The following TAF1B variants were observed in gnomAD, a reference collection of about 807,000 sequenced individuals.
The protein encoded by TAF1B is TATA box-binding protein-associated factor RNA polymerase I subunit B.
In TAF1B, 61 loss-of-function variants were observed where a neutral mutation model predicts 83.9. The observed-to-expected ratio is 0.73, with a 90% CI of 0.59 to 0.90. TAF1B has a LOEUF of 0.90. TAF1B is among the 40% of genes least tolerant of loss of function. TAF1B has a pLI of 0.00. For synonymous variants in TAF1B, 221 were observed against 224.6 expected (o/e 0.98, Z 0.14); for missense variants, 625 against 677.0 (o/e 0.92, Z 0.85).
intron 8 of TAF1B, 48 bp from the exon 9 acceptor site, chr2:9,904,811 A>T (rs1558259827): frequency 5.2e-6 from 8 of 1,545,166 alleles, no homozygotes; most frequent in Non-Finnish European, 7.0e-6. Flanking sequence ...TTTAAAAATA[A>T]GTTTTGTTGC....
At chr2:9,863,279 A>T (rs956192337) in intron 5 of TAF1B, among the ~76,000 whole-genome samples, 5 of 152,242 alleles carry the variant, frequency 3.3e-5, no homozygotes, top group Admixed American at 3.3e-4. Context: ...AAAGCAAAAA[A>T]AGGCAGGGGT....
chr2:9,913,086 A>T, intron 11 of TAF1B, 73 bp from the exon 12 acceptor site: 1 of 1,295,420 alleles, frequency 7.7e-7, no homozygotes. Flanking sequence ...AATTAATGAA[A>T]ACTCAGATGA....
chr2:9,892,842 A>G (rs941800098), intron 8 of TAF1B, among the ~76,000 whole-genome samples: 11 of 152,054 alleles, frequency 7.2e-5, no homozygotes, highest in Non-Finnish European at 1.5e-5. Context: ...CCTCCATTTC[A>G]TTTCCATGAT....
intron 5 of TAF1B, among the ~76,000 whole-genome samples, chr2:9,856,142 T>C (rs1663558559): frequency 6.6e-6 from 1 of 152,152 alleles, no homozygotes; most frequent in South Asian, 2.1e-4. Flanking sequence ...AAGAGTAGGT[T>C]ACAGAGATGA....
chr2:9,916,675 A>G (rs1186536671), intron 12 of TAF1B, among the ~76,000 whole-genome samples: 1 of 152,100 alleles, frequency 6.6e-6, no homozygotes, highest in African/African-American at 2.4e-5. Context: ...AGAATCGCTA[A>G]CTCATTTACC....
At chr2:9,901,858 T>C (rs1461303417) in intron 8 of TAF1B, among the ~76,000 whole-genome samples, 2 of 152,148 alleles carry the variant, frequency 1.3e-5, no homozygotes, top group African/African-American at 4.8e-5. Flanking sequence ...AATAGTATTT[T>C]AGTGTACAAG....
intron 9 of TAF1B, among the ~76,000 whole-genome samples, chr2:9,909,732 T>A (rs1228026152): frequency 6.6e-6 from 1 of 152,202 alleles, no homozygotes; most frequent in Non-Finnish European, 1.5e-5. Flanking sequence ...TTCATTAATT[T>A]AGTCTTCACA....
chr2:9,894,474 T>C (rs1413563354), intron 8 of TAF1B, among the ~76,000 whole-genome samples: 3 of 152,218 alleles, frequency 2.0e-5, no homozygotes, highest in Non-Finnish European at 4.4e-5. Flanking sequence ...ATAAGAGTTA[T>C]GGGTGTGTCA....
chr2:9,916,932 C>T (rs886848722), intron 12 of TAF1B, among the ~76,000 whole-genome samples: 2 of 150,006 alleles, frequency 1.3e-5, no homozygotes, highest in Non-Finnish European at 3.0e-5. Context: ...CCGCAACTTC[C>T]GCCTCCCGGG....
At chr2:9,866,358 G>T (rs975517747) in intron 5 of TAF1B, among the ~76,000 whole-genome samples, 4 of 152,156 alleles carry the variant, frequency 2.6e-5, no homozygotes, top group African/African-American at 7.2e-5. Context: ...CTGGCCATCA[G>T]AGAAATGCAA....
At chr2:9,854,942 C>T (rs574497787) in intron 5 of TAF1B, among the ~76,000 whole-genome samples, 70 of 152,088 alleles carry the variant, frequency 4.6e-4, no homozygotes, top group African/African-American at 1.7e-3. Context: ...TATTTGGGGT[C>T]GAGGATGATT....
chr2:9,910,478 T>C (rs1207168540), intron 9 of TAF1B, among the ~76,000 whole-genome samples: 1 of 152,188 alleles, frequency 6.6e-6, no homozygotes, highest in Non-Finnish European at 1.5e-5. Context: ...ACAACTGGTA[T>C]GTGGCTGCCA....
chr2:9,893,717 G>A (rs558577831), intron 8 of TAF1B, among the ~76,000 whole-genome samples: 21 of 152,192 alleles, frequency 1.4e-4, no homozygotes, highest in African/African-American at 4.6e-4. Flanking sequence ...TAAAAAAAAG[G>A]CAAAGCTCAG....
chr2:9,857,883 G>A (rs1441109529), intron 5 of TAF1B, among the ~76,000 whole-genome samples: 7 of 152,110 alleles, frequency 4.6e-5, no homozygotes, highest in African/African-American at 2.4e-5. Context: ...GGTCCCTCTC[G>A]CAACATGTGG....
chr2:9,878,149 T>C (rs887999172), intron 7 of TAF1B, among the ~76,000 whole-genome samples: 4 of 152,112 alleles, frequency 2.6e-5, no homozygotes, highest in Non-Finnish European at 5.9e-5. Flanking sequence ...CTACACCTTC[T>C]GAATCAGAAA....
intron 6 of TAF1B, among the ~76,000 whole-genome samples, chr2:9,870,584 C>T (rs1422358053): frequency 6.6e-6 from 1 of 152,184 alleles, no homozygotes. Flanking sequence ...TTCCGTATCA[C>T]GTGCTTCTAG....
chr2:9,859,693 G>A lies in TAF1B; in HGVS notation c.399+5272G>A, dbSNP rs114857773. 5.2e-3 allele frequency among the ~76,000 whole-genome samples: 799 copies of A among 152,252 alleles called. 5 individuals are homozygous for A. The highest frequency in any genetic ancestry group is 0.018 in the African/African-American group (759 of 41,532). On this transcript the variant is annotated intron_variant, in intron 5 of 14. Transcript: ENST00000263663. The stretch of plus-strand genomic sequence containing the variant: ...GAGCCATCGCACCTGGCCGCTAACA[G>A]CATTTTGATCACAATCATTCAACAA...
chr2:9,929,526 G>A (rs1207234531), intron 14 of TAF1B, among the ~76,000 whole-genome samples: 4 of 152,182 alleles, frequency 2.6e-5, no homozygotes, highest in African/African-American at 7.2e-5. Flanking sequence ...CCATCCCAGG[G>A]ATGAAGCCGA....
At chr2:9,860,324 TGTTA>T (rs1264073721) in intron 5 of TAF1B, among the ~76,000 whole-genome samples, 1 of 152,238 alleles carries the variant, frequency 6.6e-6, no homozygotes, top group Non-Finnish European at 1.5e-5. Context: ...ATTTCGAAGC[TGTTA>T]GTTTATATTA....
Sources: gnomAD v4.1 joint callset for allele counts (sites outside exome capture counted in the v4.1 genomes callset) on GRCh38, gnomAD v4.1.1 for gene constraint, MANE v1.5 for transcripts, NCBI Gene and HGNC (gene_info 2026-07-23, HGNC 2026-07-21) for gene names.